The following CADPS2 variants were observed in gnomAD, a reference collection of about 807,000 sequenced individuals.
CADPS2 encodes the protein calcium-dependent secretion activator 2.
In CADPS2, 93 loss-of-function variants were observed where a neutral mutation model predicts 172.5. The ratio of observed to expected loss-of-function variants is 0.54; its 90% confidence interval spans 0.46 to 0.64. CADPS2 has a LOEUF of 0.64. Ranked by LOEUF, CADPS2 falls within the 30% of genes least tolerant of loss-of-function variation. CADPS2 has a pLI of 0.00. For missense variants in CADPS2, 1,420 were observed against 1,565.9 expected, an observed-to-expected ratio of 0.91 and a Z score of 1.57; for synonymous variants, 546 against 555.2, an observed-to-expected ratio of 0.98 and a Z score of 0.23.
At chr7:122,732,377 G>T (rs939752504) in intron 2 of CADPS2, among the ~76,000 whole-genome samples, 9 of 150,232 alleles carry the variant, frequency 6.0e-5, no homozygotes, top group Non-Finnish European at 1.2e-4. Flanking sequence ...AGACTATATA[G>T]ACCTACAATC....
intron 1 of CADPS2, among the ~76,000 whole-genome samples, chr7:122,766,765 C>T (rs2093563002): frequency 1.3e-5 from 2 of 152,124 alleles, no homozygotes; most frequent in Admixed American, 1.3e-4. Context: ...GTCAGCAGAT[C>T]ATGACATCAT....
At chr7:122,600,354 C>T (rs1216616914) in intron 6 of CADPS2, among the ~76,000 whole-genome samples, 1 of 152,002 alleles carries the variant, frequency 6.6e-6, no homozygotes, top group African/African-American at 2.4e-5. Flanking sequence ...AGGTTGGGGA[C>T]CTTCTCTGAA....
chr7:122,526,324 T>C (rs1243240794), intron 8 of CADPS2, among the ~76,000 whole-genome samples: 1 of 152,076 alleles, frequency 6.6e-6, no homozygotes, highest in East Asian at 1.9e-4. Flanking sequence ...CCTGAGTAGC[T>C]GGGATTATAG....
At chr7:122,535,160 A>G (rs1006588486) in intron 8 of CADPS2, among the ~76,000 whole-genome samples, 7 of 152,100 alleles carry the variant, frequency 4.6e-5, no homozygotes, top group Non-Finnish European at 1.0e-4. Context: ...ACTGACAGTG[A>G]TCACTTAAAG....
At chr7:122,481,325 T>C (rs2057283715) in intron 11 of CADPS2, among the ~76,000 whole-genome samples, 1 of 152,190 alleles carries the variant, frequency 6.6e-6, no homozygotes, top group Non-Finnish European at 1.5e-5. Context: ...ACAAGTCAGT[T>C]GTTGTTAACA....
At chr7:122,509,264 C>G (rs1220883262) in intron 9 of CADPS2, among the ~76,000 whole-genome samples, 1 of 152,168 alleles carries the variant, frequency 6.6e-6, no homozygotes, top group African/African-American at 2.4e-5. Flanking sequence ...ATCCCACTAA[C>G]AGAGTGCCTC....
intron 1 of CADPS2, among the ~76,000 whole-genome samples, chr7:122,813,820 T>C (rs1303987555): frequency 6.6e-6 from 1 of 152,102 alleles, no homozygotes; most frequent in Non-Finnish European, 1.5e-5. Context: ...TTAAACCATA[T>C]ATGTACTAAC....
intron 6 of CADPS2, among the ~76,000 whole-genome samples, chr7:122,607,997 T>C (rs906377770): frequency 6.6e-6 from 1 of 152,008 alleles, no homozygotes; most frequent in Non-Finnish European, 1.5e-5. Flanking sequence ...GGTGGGTGGA[T>C]CACGAGGTCA....
Position 122,821,341 on chromosome 7 carries a change from G to A in CADPS2, c.339+64658C>T, listed in dbSNP as rs573069509. 2.6e-3 allele frequency among the ~76,000 whole-genome samples: 396 copies of A among 152,054 alleles called. 5 individuals are homozygous for A. Among genetic ancestry groups the A allele is most frequent in the Admixed American group, 0.017 (266 of 15,282 alleles). On this transcript the variant is annotated intron_variant, in intron 1 of 29. Coordinates refer to ENST00000449022, the MANE Select transcript of CADPS2 (RefSeq NM_017954.11). ...TAGAACCTCTCATTTCCTTTCCATC[G>A]TGGAAATCTATCCTCAAGGAAATAA... is the stretch of plus-strand genomic sequence containing the variant.
intron 6 of CADPS2, among the ~76,000 whole-genome samples, 190 bp from the exon 7 acceptor site, chr7:122,581,480 G>A (rs1050172406): frequency 1.3e-5 from 2 of 152,096 alleles, no homozygotes; most frequent in Admixed American, 6.6e-5. Flanking sequence ...GCTTGTAATA[G>A]TTACTCAGCT....
At chr7:122,582,189 T>C (rs1202557064) in intron 6 of CADPS2, among the ~76,000 whole-genome samples, 1 of 152,116 alleles carries the variant, frequency 6.6e-6, no homozygotes, top group Non-Finnish European at 1.5e-5. Context: ...ATATCAATTT[T>C]CTTATGCTGT....
intron 27 of CADPS2, among the ~76,000 whole-genome samples, chr7:122,346,241 G>A (rs1441058776): frequency 6.6e-6 from 1 of 152,104 alleles, no homozygotes; most frequent in Non-Finnish European, 1.5e-5. Context: ...GGTGTTGTGA[G>A]CCTGTAGCCC....
rs535471130 is a variant in CADPS2 at position 122,626,522 on chromosome 7, C to G, written c.867+2726G>C. On this transcript the variant is annotated intron_variant, in intron 4 of 29. Transcript: ENST00000449022. ...CCTGCCCTGACCACTTGACTGAAAA[C>G]TGTAACCACCCACCACCTCTCTCCT... Among the ~76,000 whole-genome samples the G allele has an allele frequency of 2.6e-5, 4 of 152,118 alleles. No homozygotes were observed. In the South Asian group the frequency reaches 8.3e-4, roughly 32 times the overall value.
At chr7:122,563,696 G>A (rs775860914) in intron 7 of CADPS2, among the ~76,000 whole-genome samples, 3 of 152,028 alleles carry the variant, frequency 2.0e-5, no homozygotes, top group Non-Finnish European at 2.9e-5. Context: ...TACGGTGGTC[G>A]GATGGAAAAG....
chr7:122,512,498 C>T (rs2060075071), intron 9 of CADPS2, among the ~76,000 whole-genome samples: 2 of 152,098 alleles, frequency 1.3e-5, no homozygotes, highest in South Asian at 2.1e-4. Context: ...GTTCTATGAG[C>T]AAAGTTATCC....
Position 122,415,719 on chromosome 7 carries a change from G to A in CADPS2, c.2580+342C>T, listed in dbSNP as rs533411079. 2.6e-5 allele frequency among the ~76,000 whole-genome samples: 4 copies of A among 151,632 alleles called. No individual in the cohort carries two copies. The South Asian group carries it at 8.3e-4, about 32-fold the overall frequency. ...CCTTAGGGTCACTGCAAGCCCTCTTGTGGTCATTAACTTTCCCCCTTCTTC... is the reference window on the plus strand; with the variant it reads ...CCTTAGGGTCACTGCAAGCCCTCTTATGGTCATTAACTTTCCCCCTTCTTC... On this transcript the variant is annotated intron_variant, in intron 18 of 29. Transcript: ENST00000449022.
chr7:122,441,222 G>GA (rs913728763), intron 16 of CADPS2, among the ~76,000 whole-genome samples: 3 of 151,542 alleles, frequency 2.0e-5, no homozygotes, highest in Non-Finnish European at 2.9e-5. Context: ...ATTCTTAACT[G>GA]AAAAAAAAGT....
intron 2 of CADPS2, among the ~76,000 whole-genome samples, chr7:122,713,511 T>A (rs1200134063): frequency 6.6e-6 from 1 of 152,084 alleles, no homozygotes; most frequent in Non-Finnish European, 1.5e-5. Context: ...CCAGCACCCA[T>A]CATATTTAAA....
chr7:122,366,899 T>C (rs960267461), intron 25 of CADPS2: 2 of 152,106 alleles, frequency 1.3e-5, no homozygotes, highest in African/African-American at 4.8e-5. Context: ...ATAACATACC[T>C]TGTTCTGCAA....
Sources: gnomAD v4.1 joint callset for allele counts (sites outside exome capture counted in the v4.1 genomes callset) on GRCh38, gnomAD v4.1.1 for gene constraint, MANE v1.5 for transcripts, NCBI Gene and HGNC (gene_info 2026-07-23, HGNC 2026-07-21) for gene names.